The following FRMD7 variants were observed in gnomAD, a reference collection of about 807,000 sequenced individuals.
The protein encoded by FRMD7 is FERM domain containing 7.
In FRMD7, 14 loss-of-function variants were observed where a neutral mutation model predicts 44.1. That is an observed-to-expected ratio of 0.32 (90% CI 0.21 to 0.50). FRMD7 has a LOEUF of 0.50. Among genes scored for constraint, FRMD7 ranks in the 20% least tolerant of loss-of-function variants. The pLI is 0.99. For missense variants in FRMD7, 501 were observed against 522.3 expected (o/e 0.96, Z 0.40); for synonymous variants, 212 against 187.4 (o/e 1.13, Z -1.07).
chrX:132,085,645 G>A lies in FRMD7; in HGVS notation c.581C>T (p.Ala194Val). ...AATCTGCATCCCTTCACCATCACTG[G>A]CGGGGTGAGGCCTGATGCCATACAT... ...LDMYGIRPHPASDGEGMQIHL... is the reference protein window; with the variant it reads ...LDMYGIRPHPVSDGEGMQIHL... Residue 194 changes from alanine (A) to valine (V), a missense_variant, in exon 7 of 12, where the codon GCC becomes GTC. By Grantham distance (64) the Ala-to-Val change is moderately conservative. Around this residue, in one of 3 missense-constraint regions of FRMD7, gnomAD observed 453 missense variants for 452.7 expected, o/e 1.00. Transcript: ENST00000298542. The A allele has an allele frequency of 4.1e-6, 5 of 1,208,535 alleles. No individual in the cohort carries two copies. Among genetic ancestry groups the A allele is most frequent in the Non-Finnish European group, 5.6e-6 (5 of 892,507 alleles).
chrX:132,101,560 T>A (rs1228596436), intron 1 of FRMD7, among the ~76,000 whole-genome samples: 1 of 112,220 alleles, frequency 8.9e-6, no homozygotes, highest in African/African-American at 3.2e-5. Flanking sequence ...TTCTTGTTAC[T>A]CACCAGTTCT....
chrX:132,086,080 T>C (rs765388409), intron 5 of FRMD7, 46 bp from the exon 6 acceptor site: 2 of 799,742 alleles, frequency 2.5e-6, no homozygotes, highest in African/African-American at 4.0e-5. Context: ...TTTGAGGAAC[T>C]TAGCAATGGA....
At chrX:132,121,687 C>T (rs5933082) in intron 1 of FRMD7, among the ~76,000 whole-genome samples, 23,657 of 109,506 alleles carry the variant, frequency 0.22, 2,078 homozygotes, top group Non-Finnish European at 0.25. Context: ...TAAGGTAGTG[C>T]ATGGGAAATA....
chrX:132,101,727 AT>A (rs1341579893), intron 1 of FRMD7, among the ~76,000 whole-genome samples: 1 of 111,606 alleles, frequency 9.0e-6, no homozygotes, highest in African/African-American at 3.3e-5. Flanking sequence ...AAGGCCACAA[AT>A]TTTTTTCTTC....
At chrX:132,082,566 G>A in intron 8 of FRMD7, 40 bp from the exon 9 acceptor site, 1 of 1,098,630 alleles carries the variant, frequency 9.1e-7, no homozygotes. Context: ...CATCCTTCAA[G>A]AATATCAAAG....
In FRMD7 at chrX:132,088,411, T is replaced by G. The variant is rs185082038; in HGVS notation, c.383-2377A>C. ...CCAAAAAATGTAAAAATTAGCTGGG[T>G]GTGGTGGCACATGCCTGTGGTCCCA... is the stretch of plus-strand genomic sequence containing the variant. On this transcript the variant is annotated intron_variant, in intron 5 of 11. Transcript: ENST00000298542. 6.0e-3 allele frequency among the ~76,000 whole-genome samples: 665 copies of G among 110,270 alleles called. 5 individuals are homozygous for G. The highest frequency in any genetic ancestry group is 0.021 in the African/African-American group (625 of 30,322).
At chrX:132,088,461 G>T (rs748815689) in intron 5 of FRMD7, among the ~76,000 whole-genome samples, 1 of 110,404 alleles carries the variant, frequency 9.1e-6, no homozygotes, top group South Asian at 3.9e-4. Context: ...TGGAGGCTGA[G>T]GTGGGAGCAT....
intron 1 of FRMD7, among the ~76,000 whole-genome samples, chrX:132,112,047 AT>A (rs1207049987): frequency 8.9e-6 from 1 of 112,095 alleles, no homozygotes; most frequent in Non-Finnish European, 1.9e-5. Flanking sequence ...ATGTTCTGAC[AT>A]TTTTTTAAAA....
intron 9 of FRMD7, among the ~76,000 whole-genome samples, chrX:132,081,992 A>T (rs1927832500): frequency 8.9e-6 from 1 of 111,837 alleles, no homozygotes; most frequent in Non-Finnish European, 1.9e-5. Context: ...TATCCCCTCC[A>T]GTGCTTTCTC....
intron 1 of FRMD7, among the ~76,000 whole-genome samples, chrX:132,102,592 A>G (rs970383967): frequency 3.6e-5 from 4 of 111,446 alleles, no homozygotes; most frequent in Non-Finnish European, 7.5e-5. Context: ...TCCTATTTTT[A>G]AAATCCTTCA....
In FRMD7 at chrX:132,078,182, G is replaced by C. The variant is rs1411401871; in HGVS notation, c.1835C>G (p.Pro612Arg). ...TGCTTTATGACTGAGAGCAGGACAA[G>C]GCCCTAAAGGTCTAAATTCTGACCC... ...PFGSEFRPLG[P>R]CPALSHKADL... The change falls in exon 12 of 12, where the codon CCT becomes CGT. Residue 612 changes from proline to arginine, a missense_variant. Physicochemically the swap from Pro to Arg is moderately radical, Grantham distance 103. Coordinates refer to ENST00000298542, the MANE Select transcript of FRMD7 (RefSeq NM_194277.3). 1.3e-5 allele frequency: 16 copies of C among 1,209,854 alleles called. No individual in the cohort carries two copies. Among genetic ancestry groups the C allele is most frequent in the Non-Finnish European group, 1.7e-5 (15 of 895,053 alleles).
At chrX:132,126,991 G>A (rs1040659087) in intron 1 of FRMD7, among the ~76,000 whole-genome samples, 4 of 112,675 alleles carry the variant, frequency 3.6e-5, no homozygotes, top group African/African-American at 9.7e-5. Flanking sequence ...CCAACATTTT[G>A]TATGAATTTC....
Position 132,097,421 on chromosome X carries a change from A to T in FRMD7, c.206-77T>A, listed in dbSNP as rs749941509. On this transcript the variant is annotated intron_variant, in intron 3 of 11. Coordinates refer to ENST00000298542, the MANE Select transcript of FRMD7 (RefSeq NM_194277.3). ...TATAGGTACACACACACACACACACACACACACCCACACACACACCGCTCT... is the reference window on the plus strand; with the variant it reads ...TATAGGTACACACACACACACACACTCACACACCCACACACACACCGCTCT... The T allele has an allele frequency of 1.3e-5, 8 of 594,830 alleles. No individual in the cohort carries two copies. The South Asian group carries it at 1.8e-4, about 14-fold the overall frequency. The allele number at this position is 594,830 out of a possible 1,213,427, so 49.0% of individuals were successfully genotyped here.
intron 1 of FRMD7, among the ~76,000 whole-genome samples, chrX:132,121,641 G>C (rs749702130): frequency 1.2e-4 from 13 of 109,786 alleles, no homozygotes; most frequent in Non-Finnish European, 2.3e-4. Context: ...AAAAACCCTA[G>C]TCAGTGACAC....
At chrX:132,102,461 C>A (rs1928527073) in intron 1 of FRMD7, among the ~76,000 whole-genome samples, 1 of 111,291 alleles carries the variant, frequency 9.0e-6, no homozygotes, top group Non-Finnish European at 1.9e-5. Context: ...GGGGGTGGCA[C>A]CAAGGGAATG....
intron 9 of FRMD7, 143 bp from the exon 10 acceptor site, chrX:132,080,409 C>A (rs1927770439): frequency 2.0e-6 from 1 of 496,475 alleles, no homozygotes; most frequent in Admixed American, 3.2e-5. Context: ...AATGATAATA[C>A]CCACTTATTC....
chrX:132,085,029 G>A (rs1265763281), intron 7 of FRMD7, among the ~76,000 whole-genome samples: 1 of 110,894 alleles, frequency 9.0e-6, no homozygotes, highest in Admixed American at 9.7e-5. Flanking sequence ...TATAACCTTT[G>A]TTCCCACTAA....
chrX:132,101,415 C>T (rs1928495091), intron 1 of FRMD7, among the ~76,000 whole-genome samples: 1 of 112,285 alleles, frequency 8.9e-6, no homozygotes, highest in Non-Finnish European at 1.9e-5. Context: ...CCCTATCAGC[C>T]GCAGGCTGAG....
At chrX:132,123,509 A>G (rs1017693798) in intron 1 of FRMD7, among the ~76,000 whole-genome samples, 1 of 112,219 alleles carries the variant, frequency 8.9e-6, no homozygotes, top group Non-Finnish European at 1.9e-5. Context: ...TCAGTTATCT[A>G]TTTCACTGTT....
Sources: gnomAD v4.1 joint callset for allele counts (sites outside exome capture counted in the v4.1 genomes callset) on GRCh38, gnomAD v4.1.1 for gene constraint, gnomAD v4.1.1 regional missense constraint, MANE v1.5 for transcripts, NCBI Gene and HGNC (gene_info 2026-07-23, HGNC 2026-07-21) for gene names.